CACNA1C: variants seen among roughly 807,000 people sequenced by gnomAD.
CACNA1C encodes calcium voltage-gated channel subunit alpha1 C.
Under a neutral mutation model 229.0 loss-of-function variants are expected in CACNA1C, and 30 were observed. The ratio of observed to expected loss-of-function variants is 0.13; its 90% CI spans 0.10 to 0.18. CACNA1C has a LOEUF of 0.18. Among genes scored for constraint, CACNA1C ranks in the 10% least tolerant of loss-of-function variants. CACNA1C has a pLI of 1.00. For missense variants in CACNA1C, 1,658 were observed against 2,845.0 expected (o/e 0.58, Z 9.49); for synonymous variants, 1,114 against 1,132.5 (o/e 0.98, Z 0.33).
chr12:2,202,277 C>T (rs1422737546), intron 3 of CACNA1C, among the ~76,000 whole-genome samples: 3 of 152,196 alleles, frequency 2.0e-5, no homozygotes, highest in African/African-American at 4.8e-5. Context: ...AGGACCTCAC[C>T]GCTTGTTCAG....
intron 5 of CACNA1C, among the ~76,000 whole-genome samples, chr12:2,459,099 C>T (rs2099473086): frequency 6.6e-6 from 1 of 150,470 alleles, no homozygotes; most frequent in East Asian, 2.0e-4. Context: ...TCTCCTGCCT[C>T]AGCCTCCTGA....
At chr12:2,501,080 G>T (rs999260934) in intron 7 of CACNA1C, among the ~76,000 whole-genome samples, 1 of 150,922 alleles carries the variant, frequency 6.6e-6, no homozygotes, top group Non-Finnish European at 1.5e-5. Flanking sequence ...GTGGTGGCGG[G>T]TGCCTGTAGT....
At chr12:1,991,188 A>T (rs921768894) in intron 1 of CACNA1C, 2 of 456,124 alleles carry the variant, frequency 4.4e-6, no homozygotes, top group Non-Finnish European at 8.8e-6. Context: ...CGGAAGTGAA[A>T]TCAGAATCTG....
chr12:2,364,276 G>A (rs114746973), intron 3 of CACNA1C, among the ~76,000 whole-genome samples: 226 of 152,352 alleles, frequency 1.5e-3, no homozygotes, highest in African/African-American at 5.2e-3. Flanking sequence ...GAATGCAATA[G>A]GGAAAATGCA....
At chr12:2,093,297 A>G (rs1404527701) in intron 1 of CACNA1C, among the ~76,000 whole-genome samples, 1 of 151,720 alleles carries the variant, frequency 6.6e-6, no homozygotes, top group Non-Finnish European at 1.5e-5. Context: ...CGTGCCTCCC[A>G]CTCCCCTGTA....
At chr12:2,355,716 T>G (rs1233264493) in intron 3 of CACNA1C, among the ~76,000 whole-genome samples, 21 of 152,206 alleles carry the variant, frequency 1.4e-4, no homozygotes, top group Admixed American at 1.4e-3. Context: ...TTTTACCACC[T>G]GGGGACATTT....
intron 1 of CACNA1C, among the ~76,000 whole-genome samples, chr12:2,041,278 T>C (rs1245132718): frequency 8.7e-6 from 1 of 115,286 alleles, no homozygotes; most frequent in Admixed American, 8.1e-5. Flanking sequence ...TTCTTTTTTT[T>C]TTTTTTTTTT....
At chr12:2,141,392 G>T (rs2094169742) in intron 3 of CACNA1C, among the ~76,000 whole-genome samples, 1 of 151,260 alleles carries the variant, frequency 6.6e-6, no homozygotes, top group Admixed American at 6.6e-5. Flanking sequence ...CACTGGGGAA[G>T]AAAGCCCTGG....
intron 3 of CACNA1C, among the ~76,000 whole-genome samples, chr12:2,221,983 A>G (rs979530659): frequency 1.3e-5 from 2 of 152,222 alleles, no homozygotes; most frequent in Non-Finnish European, 2.9e-5. Context: ...TATAACCTCT[A>G]TTTACATCTC....
At chr12:2,368,226 A>C (rs1361324116) in intron 3 of CACNA1C, among the ~76,000 whole-genome samples, 1 of 152,240 alleles carries the variant, frequency 6.6e-6, no homozygotes, top group African/African-American at 2.4e-5. Context: ...GATGTCCTGG[A>C]AGCATTTCCT....
At chr12:2,107,108 G>T in intron 1 of CACNA1C, among the ~76,000 whole-genome samples, 1 of 130,670 alleles carries the variant, frequency 7.7e-6, no homozygotes, top group African/African-American at 2.8e-5. Context: ...GGGGTGTCCT[G>T]AAGCCACTGG....
At chr12:2,239,137 G>T (rs756669051) in intron 3 of CACNA1C, among the ~76,000 whole-genome samples, 2 of 152,160 alleles carry the variant, frequency 1.3e-5, no homozygotes, top group African/African-American at 4.8e-5. Flanking sequence ...GAAAGCGTCC[G>T]TGGGCAGGGC....
intron 3 of CACNA1C, among the ~76,000 whole-genome samples, chr12:2,291,434 G>A (rs997523768): frequency 6.6e-6 from 1 of 152,198 alleles, no homozygotes; most frequent in African/African-American, 2.4e-5. Context: ...CTGCTCTTTG[G>A]TGAGCAGGAC....
chr12:2,438,284 GTAA>G (rs1395338967), intron 3 of CACNA1C, among the ~76,000 whole-genome samples: 13 of 63,884 alleles, frequency 2.0e-4, no homozygotes, highest in South Asian at 6.8e-4. Flanking sequence ...AATGATAGTG[GTAA>G]TGATGGTGGT....
chr12:2,094,975 C>T (rs769198837), intron 1 of CACNA1C, among the ~76,000 whole-genome samples: 2 of 152,168 alleles, frequency 1.3e-5, no homozygotes, highest in Non-Finnish European at 2.9e-5. Flanking sequence ...ATGGCTGCAC[C>T]ATGCTAAGTG....
At chr12:2,483,556 G>A (rs1027777209) in intron 5 of CACNA1C, among the ~76,000 whole-genome samples, 4 of 152,074 alleles carry the variant, frequency 2.6e-5, no homozygotes, top group Non-Finnish European at 5.9e-5. Flanking sequence ...AGTATTTTCT[G>A]TTTTCTCTAT....
chr12:2,056,064 C>T (rs905841727), intron 1 of CACNA1C, among the ~76,000 whole-genome samples: 1 of 152,120 alleles, frequency 6.6e-6, no homozygotes, highest in Admixed American at 6.5e-5. Context: ...AACAAAGAGT[C>T]GAGAACCAAA....
intron 3 of CACNA1C, among the ~76,000 whole-genome samples, chr12:2,233,123 A>G (rs2065960547): frequency 6.6e-6 from 1 of 152,156 alleles, no homozygotes; most frequent in South Asian, 2.1e-4. Flanking sequence ...GTTTATATGG[A>G]GACTCTCCTG....
chr12:2,596,027 C>T (rs977735810), intron 20 of CACNA1C, 24 bp downstream of exon 20: 2 of 1,599,686 alleles, frequency 1.3e-6, no homozygotes, highest in African/African-American at 1.3e-5. Flanking sequence ...GTGTCTTCTG[C>T]ACTCCTTCCC....
Sources: gnomAD v4.1 joint callset for allele counts (sites outside exome capture counted in the v4.1 genomes callset) on GRCh38, gnomAD v4.1.1 for gene constraint, MANE v1.5 for transcripts, NCBI Gene and HGNC (gene_info 2026-07-23, HGNC 2026-07-21) for gene names.